Variants in ZDHHC7 observed in about 807,000 individuals in gnomAD.
The protein encoded by ZDHHC7 is palmitoyltransferase ZDHHC7.
A neutral mutation model predicts 34.1 loss-of-function variants in ZDHHC7; 12 were observed. That is an observed-to-expected ratio of 0.35 (90% CI 0.23 to 0.57). The LOEUF (loss-of-function observed/expected upper bound fraction) is 0.57. Among genes scored for constraint, ZDHHC7 ranks in the 20% least tolerant of loss-of-function variants. The probability of loss-of-function intolerance (pLI) is 0.84; values close to 1 mark genes in which losing one functional copy is unlikely to be tolerated. For missense variants in ZDHHC7, 388 were observed against 402.7 expected, an observed-to-expected ratio of 0.96 and a Z score of 0.31; for synonymous variants, 185 against 155.4, an observed-to-expected ratio of 1.19 and a Z score of -1.42.
At chr16:85,009,701 CTTTTTTTCT>C (rs1177606211) in intron 1 of ZDHHC7, among the ~76,000 whole-genome samples, 2 of 132,296 alleles carry the variant, frequency 1.5e-5, no homozygotes, top group Non-Finnish European at 3.2e-5. Flanking sequence ...CAAGTTCTGA[CTTTTTTTCT>C]TTTTTTTTTT....
In ZDHHC7 at chr16:84,992,324, G is replaced by A. The variant is rs114043440; in HGVS notation, c.-17-1689C>T. Among the ~76,000 whole-genome samples the A allele has an allele frequency of 8.0e-3, 865 of 108,124 alleles. 5 individuals are homozygous for A. Among genetic ancestry groups the A allele is most frequent in the African/African-American group, 0.042 (811 of 19,458 alleles). The allele number at this position is 108,124 out of a possible 152,430, so 70.9% of individuals were successfully genotyped here. A position where few individuals can be genotyped will look rare whatever the true frequency, so the allele number is the denominator to read the frequency against. On this transcript the variant is annotated intron_variant, in intron 2 of 7. Transcript: ENST00000313732. The stretch of plus-strand genomic sequence containing the variant: ...TCTACTAAAAATATAAAAATTAGTC[G>A]GGCACAGTGGCAGGCGCCTGTACCT...
chr16:84,991,917 G>C (rs556337460), intron 2 of ZDHHC7, among the ~76,000 whole-genome samples: 225 of 152,186 alleles, frequency 1.5e-3, no homozygotes, highest in Non-Finnish European at 2.5e-3. Flanking sequence ...GAAAAAAGTA[G>C]GACCGGGCAC....
At chr16:84,984,691 G>C (rs2072414345) in intron 3 of ZDHHC7, among the ~76,000 whole-genome samples, 1 of 152,176 alleles carries the variant, frequency 6.6e-6, no homozygotes, top group African/African-American at 2.4e-5. Flanking sequence ...GCTGGGTCCA[G>C]GGATTCCTTT....
intron 1 of ZDHHC7, among the ~76,000 whole-genome samples, chr16:84,998,057 G>A (rs1158282272): frequency 1.3e-5 from 2 of 149,994 alleles, no homozygotes; most frequent in Admixed American, 6.7e-5. Context: ...TCAGGAGATC[G>A]AGACCAACCT....
the ZDHHC7 span, among the ~76,000 whole-genome samples, chr16:85,025,233 T>C: frequency 6.6e-6 from 1 of 151,048 alleles, no homozygotes; most frequent in Admixed American, 6.6e-5. Context: ...ATTGCGTCAC[T>C]GCACTCCGGC....
At chr16:85,021,923 G>C in the ZDHHC7 span, among the ~76,000 whole-genome samples, 3 of 152,004 alleles carry the variant, frequency 2.0e-5, no homozygotes, top group East Asian at 5.8e-4. Context: ...TTGGGAGGCC[G>C]AGGCGGTTGG....
chr16:84,977,308 G>A, intron 6 of ZDHHC7, 83 bp from the exon 7 acceptor site: 1 of 1,544,590 alleles, frequency 6.5e-7, no homozygotes. Context: ...AATCCTCTAG[G>A]GCCAGCCCCT....
the ZDHHC7 span, among the ~76,000 whole-genome samples, chr16:85,023,075 CT>C: frequency 6.6e-6 from 1 of 152,104 alleles, no homozygotes; most frequent in Non-Finnish European, 1.5e-5. Flanking sequence ...CCTAGAGCCT[CT>C]GAAAGGAACA....
rs113126784 is a variant in ZDHHC7 at position 85,000,013 on chromosome 16, G to A, written c.-103-4006C>T. Among the ~76,000 whole-genome samples, 919 of 151,174 alleles carry A rather than the reference G, an allele frequency of 6.1e-3. 9 individuals are homozygous for A. The highest frequency in any genetic ancestry group is 0.021 in the African/African-American group (877 of 41,178). ...ATTTTTTAAAAATTGGCTGGGCAGGGCCTGTACTCCCAGCTGCTCAGGAGG... is the reference window on the plus strand; with the variant it reads ...ATTTTTTAAAAATTGGCTGGGCAGGACCTGTACTCCCAGCTGCTCAGGAGG... On this transcript the variant is annotated intron_variant, in intron 1 of 7. Transcript: ENST00000313732.
At chr16:84,985,898 T>C (rs2072429839) in intron 3 of ZDHHC7, among the ~76,000 whole-genome samples, 1 of 134,138 alleles carries the variant, frequency 7.5e-6, no homozygotes, top group Non-Finnish European at 1.5e-5. Context: ...ACCGTTTCAA[T>C]GAGCTGAGAT....
At chr16:85,003,852 G>T (rs368570961) in intron 1 of ZDHHC7, among the ~76,000 whole-genome samples, 1 of 152,112 alleles carries the variant, frequency 6.6e-6, no homozygotes, top group South Asian at 2.1e-4. Flanking sequence ...TCAGGAGTGA[G>T]GGGCCTGGGG....
At chr16:85,001,124 C>G (rs1040137598) in intron 1 of ZDHHC7, among the ~76,000 whole-genome samples, 1 of 152,090 alleles carries the variant, frequency 6.6e-6, no homozygotes, top group Non-Finnish European at 1.5e-5. Context: ...GAACTCTAGA[C>G]TTCACTCTGC....
chr16:84,993,575 G>T (rs1468888783), intron 2 of ZDHHC7, among the ~76,000 whole-genome samples: 1 of 151,606 alleles, frequency 6.6e-6, no homozygotes, highest in African/African-American at 2.4e-5. Flanking sequence ...CTGGCAGGTT[G>T]AGGCTACAGT....
chr16:84,988,926 T>G, intron 3 of ZDHHC7: 1 of 1,528,918 alleles, frequency 6.5e-7, no homozygotes, highest in South Asian at 1.2e-5. Context: ...GCCCTGTAGC[T>G]GGCCCTCTCC....
upstream of ZDHHC7, among the ~76,000 whole-genome samples, chr16:85,015,902 G>C (rs963313571): frequency 6.6e-6 from 1 of 151,958 alleles, no homozygotes; most frequent in African/African-American, 2.4e-5. Context: ...TATCTGTCAT[G>C]TGATGCTATA....
chr16:85,016,366 T>C (rs958403467), upstream of ZDHHC7, among the ~76,000 whole-genome samples: 1 of 151,992 alleles, frequency 6.6e-6, no homozygotes, highest in African/African-American at 2.4e-5. Context: ...TTCTTTTATA[T>C]TTGCATTGCC....
At chr16:84,980,617 C>T (rs903183862) in intron 4 of ZDHHC7, among the ~76,000 whole-genome samples, 2 of 152,068 alleles carry the variant, frequency 1.3e-5, no homozygotes, top group African/African-American at 4.8e-5. Context: ...TTGCAGTGAG[C>T]CGAGATTATG....
intron 2 of ZDHHC7, among the ~76,000 whole-genome samples, chr16:84,994,637 G>A (rs2072552962): frequency 6.6e-6 from 1 of 152,184 alleles, no homozygotes; most frequent in African/African-American, 2.4e-5. Flanking sequence ...GTGGCTCCAT[G>A]CCTGACCTGG....
chr16:85,008,049 A>G (rs1597566448), intron 1 of ZDHHC7, among the ~76,000 whole-genome samples: 1 of 151,862 alleles, frequency 6.6e-6, no homozygotes, highest in East Asian at 1.9e-4. Context: ...CCAGGAGATC[A>G]AGGCTGTAGT....
Sources: gnomAD v4.1 joint callset for allele counts (sites outside exome capture counted in the v4.1 genomes callset) on GRCh38, gnomAD v4.1.1 for gene constraint, MANE v1.5 for transcripts, NCBI Gene and HGNC (gene_info 2026-07-23, HGNC 2026-07-21) for gene names.